Variants in DNAH14 observed in about 807,000 individuals in gnomAD.
DNAH14 encodes the protein axonemal beta dynein heavy chain 14.
A neutral mutation model predicts 520.9 loss-of-function variants in DNAH14; 478 were observed. That is an observed-to-expected ratio of 0.92 (90% confidence interval 0.85 to 0.99). The LOEUF (loss-of-function observed/expected upper bound fraction) is 0.99. Among genes scored for constraint, DNAH14 ranks in the 50% least tolerant of loss-of-function variants. The probability of loss-of-function intolerance (pLI) is 0.00; values close to 1 mark genes in which losing one functional copy is unlikely to be tolerated. For synonymous variants in DNAH14, 1,581 were observed against 1,757.2 expected (o/e 0.90, Z 2.51); for missense variants, 4,831 against 5,234.5 (o/e 0.92, Z 2.38).
chr1:225,177,110 G>C (rs939958701), intron 36 of DNAH14, among the ~76,000 whole-genome samples: 1 of 152,166 alleles, frequency 6.6e-6, no homozygotes, highest in Non-Finnish European at 1.5e-5. Context: ...CCAGGCTGAG[G>C]TATTTTCAAA....
chr1:224,954,509 A>G (rs1195732320), intron 2 of DNAH14: 2 of 152,890 alleles, frequency 1.3e-5, no homozygotes, highest in African/African-American at 4.8e-5. Flanking sequence ...CCTGTGAAAA[A>G]AAAGGAAGGC....
chr1:225,062,916 C>G (rs1356777076), intron 17 of DNAH14, among the ~76,000 whole-genome samples: 1 of 151,988 alleles, frequency 6.6e-6, no homozygotes, highest in South Asian at 2.1e-4. Flanking sequence ...AGATACGTAA[C>G]ATGTAACACT....
At chr1:224,945,341 C>T (rs1334272132) in intron 1 of DNAH14, among the ~76,000 whole-genome samples, 1 of 152,182 alleles carries the variant, frequency 6.6e-6, no homozygotes, top group African/African-American at 2.4e-5. Flanking sequence ...TTGTCAGCTC[C>T]ATCAGCTCCT....
chr1:225,107,983 G>T (rs1573152641), intron 23 of DNAH14, among the ~76,000 whole-genome samples: 2 of 152,192 alleles, frequency 1.3e-5, no homozygotes, highest in Non-Finnish European at 2.9e-5. Flanking sequence ...ATTGTTCCTG[G>T]GTGTGTCTGT....
Position 225,107,279 on chromosome 1 carries a change from C to G in DNAH14, c.3867+6395C>G, listed in dbSNP as rs3120984. 2.5e-3 allele frequency among the ~76,000 whole-genome samples: 381 copies of G among 152,326 alleles called. 2 individuals carry two copies. Among genetic ancestry groups the G allele is most frequent in the African/African-American group, 8.4e-3 (351 of 41,562 alleles). Reference sequence around the variant, plus strand: ...GTACCTGGCCGTGTGAGGTGTCAGTCTGCCCCTACTGGGGGGTGCCTCTCA... The same window carrying G: ...GTACCTGGCCGTGTGAGGTGTCAGTGTGCCCCTACTGGGGGGTGCCTCTCA... On this transcript the variant is annotated intron_variant, in intron 23 of 85. Coordinates refer to ENST00000682510, the MANE Select transcript of DNAH14 (RefSeq NM_001367479.1).
intron 27 of DNAH14, among the ~76,000 whole-genome samples, chr1:225,132,467 G>T (rs2078525433): frequency 6.6e-6 from 1 of 152,028 alleles, no homozygotes; most frequent in Non-Finnish European, 1.5e-5. Context: ...AGAAAATATG[G>T]TGTTTGGTTT....
chr1:225,125,160 T>C (rs901850851), intron 27 of DNAH14, among the ~76,000 whole-genome samples: 1 of 152,206 alleles, frequency 6.6e-6, no homozygotes, highest in Non-Finnish European at 1.5e-5. Context: ...GCAGAGTAGA[T>C]TAAGCATACA....
chr1:225,338,230 T>C (rs1046686119), intron 68 of DNAH14, 48 bp downstream of exon 68: 8 of 1,545,914 alleles, frequency 5.2e-6, no homozygotes, highest in Non-Finnish European at 7.0e-6. Context: ...CTTTTTAAGA[T>C]AAATAATATT....
At chr1:225,008,612 A>C (rs2064407320) in intron 10 of DNAH14, among the ~76,000 whole-genome samples, 2 of 132,724 alleles carry the variant, frequency 1.5e-5, no homozygotes, top group South Asian at 4.7e-4. Context: ...TTTTTAGTAG[A>C]GACAGGGTTT....
intron 1 of DNAH14, among the ~76,000 whole-genome samples, chr1:224,930,859 A>G (rs1002256874): frequency 1.4e-4 from 21 of 152,202 alleles, no homozygotes; most frequent in Non-Finnish European, 2.5e-4. Flanking sequence ...CGGAGTCCCA[A>G]AGTGCTGGGA....
chr1:225,048,270 G>A (rs1219193951), intron 15 of DNAH14, among the ~76,000 whole-genome samples: 1 of 152,214 alleles, frequency 6.6e-6, no homozygotes, highest in African/African-American at 2.4e-5. Context: ...GGAGGCCCAG[G>A]TGGGTGGATC....
At chr1:225,370,765 A>G (rs549032399) in intron 77 of DNAH14, among the ~76,000 whole-genome samples, 40 of 152,220 alleles carry the variant, frequency 2.6e-4, no homozygotes, top group African/African-American at 5.1e-4. Context: ...AAAAGCTAAT[A>G]TTAATGAAAT....
At chr1:225,196,003 A>G (rs7541259) in intron 38 of DNAH14, among the ~76,000 whole-genome samples, 23,346 of 151,668 alleles carry the variant, frequency 0.15, 2,093 homozygotes, top group East Asian at 0.36. Context: ...TAAGAAATTT[A>G]TTTATTTATT....
intron 73 of DNAH14, chr1:225,354,292 A>G (rs1419711290): frequency 4.3e-6 from 3 of 701,166 alleles, no homozygotes; most frequent in Non-Finnish European, 5.2e-6. Context: ...GTCTAATTCT[A>G]GGTTCTGTAT....
At chr1:224,971,701 AAGG>A (rs2061511296) in intron 7 of DNAH14, among the ~76,000 whole-genome samples, 1 of 152,168 alleles carries the variant, frequency 6.6e-6, no homozygotes, top group Non-Finnish European at 1.5e-5. Context: ...GGGCTTCCAG[AAGG>A]AGAATATAGC....
rs993702081 is a variant in DNAH14, at chr1:225,038,785, C to T, written c.1450C>T (p.Gln484Ter). ...TTCAAAGTTACATGCTATTTCTGTT[C>T]AAAAGTCAGAAGTAAAAACAGACAC... ...DNSKLHAISV[Q>*]KSEVKTDTDI... Residue 484 changes from glutamine (Q) to a stop codon, truncating the protein, a stop_gained, in exon 12 of 86, where the codon CAA becomes TAA. Coordinates refer to ENST00000682510, the MANE Select transcript of DNAH14 (RefSeq NM_001367479.1). LOFTEE classifies it high-confidence loss of function. 4.0e-6 allele frequency: 6 copies of T among 1,514,244 alleles called. No homozygotes were observed. In the South Asian group the frequency reaches 7.9e-5, roughly 20 times the overall value. 93.8% of individuals were successfully genotyped at this position (1,514,244 alleles called of 1,614,324 possible).
chr1:225,335,885 G>C, intron 66 of DNAH14, among the ~76,000 whole-genome samples: 1 of 24,538 alleles, frequency 4.1e-5, no homozygotes, highest in African/African-American at 2.1e-4. Flanking sequence ...ATACATATAT[G>C]TACATATACA....
At chr1:224,965,884 A>G (rs1489731527) in intron 5 of DNAH14, among the ~76,000 whole-genome samples, 3 of 152,204 alleles carry the variant, frequency 2.0e-5, no homozygotes, top group Non-Finnish European at 2.9e-5. Context: ...TGGACTCCCA[A>G]ATAAAGTGAA....
intron 73 of DNAH14, chr1:225,354,146 C>G: frequency 1.4e-6 from 1 of 703,270 alleles, no homozygotes; most frequent in Non-Finnish European, 2.6e-6. Context: ...ATAGCCCTGT[C>G]CCTTTTGGGA....
Sources: allele counts gnomAD v4.1 joint callset (sites outside exome capture counted in the v4.1 genomes callset), GRCh38; gene constraint gnomAD v4.1.1; transcripts MANE v1.5; gene names NCBI Gene and HGNC (gene_info 2026-07-23, HGNC 2026-07-21).